HGD: variants seen among roughly 807,000 people sequenced by gnomAD.
The protein encoded by HGD is homogentisate oxidase.
HGD carries 61 observed loss-of-function variants against 60.8 expected under a neutral mutation model. That is an observed-to-expected ratio of 1.00 (90% confidence interval 0.82 to 1.24). The LOEUF (loss-of-function observed/expected upper bound fraction) is 1.24, where lower values mean the gene tolerates loss of function less well. HGD is among the 50% of genes most tolerant of loss of function. The probability of loss-of-function intolerance (pLI) is 0.00; values close to 1 mark genes in which losing one functional copy is unlikely to be tolerated. For synonymous variants in HGD, 212 were observed against 187.7 expected (o/e 1.13, Z -1.06); for missense variants, 542 against 547.1 (o/e 0.99, Z 0.09).
At chr3:120,666,559 C>T (rs1236181898) in intron 4 of HGD, among the ~76,000 whole-genome samples, 1 of 152,022 alleles carries the variant, frequency 6.6e-6, no homozygotes, top group African/African-American at 2.4e-5. Flanking sequence ...CTTGGCTCAC[C>T]ACAACCTCCG....
intron 4 of HGD, among the ~76,000 whole-genome samples, chr3:120,657,833 GAGAGAA>G (rs1427513942): frequency 1.3e-5 from 2 of 149,280 alleles, no homozygotes; most frequent in Non-Finnish European, 3.0e-5. Context: ...GAGAGAGAGA[GAGAGAA>G]AGAGAGAGAG....
intron 12 of HGD, 99 bp downstream of exon 12, chr3:120,638,356 G>T: frequency 7.1e-7 from 1 of 1,407,024 alleles, no homozygotes; most frequent in Non-Finnish European, 1.0e-6. Flanking sequence ...GCCATGGTGG[G>T]TGTCCAGAAA....
chr3:120,653,752 A>G (rs1308940585), intron 4 of HGD, among the ~76,000 whole-genome samples: 6 of 152,214 alleles, frequency 3.9e-5, no homozygotes, highest in East Asian at 3.8e-4. Flanking sequence ...TAAGGATGGT[A>G]TCTCTTAGGG....
At chr3:120,659,026 A>T (rs183603729) in intron 4 of HGD, among the ~76,000 whole-genome samples, 28 of 152,328 alleles carry the variant, frequency 1.8e-4, no homozygotes, top group African/African-American at 6.7e-4. Flanking sequence ...TGATGGGATG[A>T]ACTGCCCCAA....
chr3:120,669,647 C>A (rs1707982131), intron 4 of HGD, among the ~76,000 whole-genome samples: 1 of 152,182 alleles, frequency 6.6e-6, no homozygotes, highest in Non-Finnish European at 1.5e-5. Context: ...TCAAGTAAGT[C>A]ATATGCCGAG....
chr3:120,638,632 G>A, intron 11 of HGD, 51 bp from the exon 12 acceptor site: 1 of 1,607,780 alleles, frequency 6.2e-7, no homozygotes, highest in South Asian at 1.1e-5. Context: ...GAAGTGACTG[G>A]ACAATGACAC....
chr3:120,645,939 T>C (rs1257468349), intron 9 of HGD, among the ~76,000 whole-genome samples: 1 of 152,204 alleles, frequency 6.6e-6, no homozygotes, highest in Middle Eastern at 3.2e-3. Context: ...ATCTCTTCTG[T>C]GGAGCTGTTT....
intron 10 of HGD, among the ~76,000 whole-genome samples, chr3:120,643,490 G>C (rs1941057846): frequency 6.6e-6 from 1 of 152,158 alleles, no homozygotes; most frequent in Non-Finnish European, 1.5e-5. Flanking sequence ...AATTTTGAGA[G>C]ACCTTGACCC....
At chr3:120,664,506 C>A (rs1707854437) in intron 4 of HGD, among the ~76,000 whole-genome samples, 1 of 149,452 alleles carries the variant, frequency 6.7e-6, no homozygotes, top group South Asian at 2.1e-4. Context: ...GGGCTCACCA[C>A]AGCCCTGACC....
chr3:120,646,538 T>G (rs1941169673), intron 8 of HGD, among the ~76,000 whole-genome samples, 172 bp from the exon 9 acceptor site: 1 of 152,070 alleles, frequency 6.6e-6, no homozygotes, highest in Non-Finnish European at 1.5e-5. Context: ...AAAAAGAAAT[T>G]TTTAAAATTC....
rs915477284 is a variant in HGD, at chr3:120,641,580, C to A, written c.879+9G>T. 24 of 1,594,172 alleles carry A rather than the reference C, an allele frequency of 1.5e-5. No homozygotes were observed. The highest frequency in any genetic ancestry group is 4.0e-5 in the African/African-American group (3 of 74,470). On this transcript the variant is annotated intron_variant, in intron 11 of 13. Coordinates refer to ENST00000283871, the MANE Select transcript of HGD (RefSeq NM_000187.4). The stretch of plus-strand genomic sequence containing the variant: ...CTCATCCCAAGGCCCCTACAGGGTT[C>A]AGACTTACTGCATGGTCAAAGGCCA...
intron 4 of HGD, among the ~76,000 whole-genome samples, chr3:120,663,719 G>A (rs1047414849): frequency 2.6e-5 from 4 of 152,034 alleles, no homozygotes; most frequent in African/African-American, 9.7e-5. Context: ...TATATTTAGC[G>A]TGGATTTACT....
chr3:120,677,705 A>C (rs908720899), intron 1 of HGD, among the ~76,000 whole-genome samples: 1 of 152,178 alleles, frequency 6.6e-6, no homozygotes, highest in Non-Finnish European at 1.5e-5. Flanking sequence ...TCTGTGACCC[A>C]CACCTATTTG....
chr3:120,638,656 A>G, intron 11 of HGD, 75 bp from the exon 12 acceptor site: 13 of 1,513,572 alleles, frequency 8.6e-6, no homozygotes, highest in Non-Finnish European at 1.0e-5. Context: ...TTTCATGCAT[A>G]CATGAAGGTG....
chr3:120,635,665 G>C (rs1276753237), intron 12 of HGD, among the ~76,000 whole-genome samples: 1 of 151,904 alleles, frequency 6.6e-6, no homozygotes, highest in Non-Finnish European at 1.5e-5. Context: ...TCTAACCTGG[G>C]GTTCTGTGGT....
intron 13 of HGD, among the ~76,000 whole-genome samples, chr3:120,629,067 G>A (rs1940504338): frequency 6.6e-6 from 1 of 152,192 alleles, no homozygotes; most frequent in South Asian, 2.1e-4. Flanking sequence ...GGGAAAAAGG[G>A]AGTGGGGAGG....
chr3:120,655,283 G>C (rs1941460738), intron 4 of HGD, among the ~76,000 whole-genome samples: 1 of 152,126 alleles, frequency 6.6e-6, no homozygotes, highest in Non-Finnish European at 1.5e-5. Context: ...TGAGAACAGA[G>C]AGCCTGAGGT....
rs915806030 is a variant in HGD at position 120,682,174 on chromosome 3, A to G, written c.-63T>C. The G allele has an allele frequency of 6.6e-6, 10 of 1,519,350 alleles. No individual in the cohort carries two copies. In the African/African-American group the frequency reaches 1.2e-4, roughly 19 times the overall value. 94.1% of individuals were successfully genotyped at this position (1,519,350 alleles called of 1,614,324 possible). ...CAGGCCCAGAGGATATAAAGCCACA[A>G]TGCTTCTTTCTCCTTCAAACCACTC... On this transcript the variant is annotated 5_prime_UTR_variant, in exon 1 of 14. Coordinates refer to ENST00000283871, the MANE Select transcript of HGD (RefSeq NM_000187.4).
chr3:120,676,578 G>A (rs1708135211), intron 1 of HGD, among the ~76,000 whole-genome samples: 1 of 152,184 alleles, frequency 6.6e-6, no homozygotes, highest in South Asian at 2.1e-4. Flanking sequence ...CTGCATGAAG[G>A]CTGAGACTAT....
Sources: gnomAD v4.1 joint callset for allele counts (sites outside exome capture counted in the v4.1 genomes callset) on GRCh38, gnomAD v4.1.1 for gene constraint, MANE v1.5 for transcripts, NCBI Gene and HGNC (gene_info 2026-07-23, HGNC 2026-07-21) for gene names.